The following SUGCT variants were observed in gnomAD, a reference collection of about 807,000 sequenced individuals.
The protein encoded by SUGCT is succinyl-CoA:glutarate-CoA transferase.
SUGCT carries 41 observed loss-of-function variants against 55.0 expected under a neutral mutation model. The ratio of observed to expected loss-of-function variants is 0.74; its 90% CI spans 0.58 to 0.97. The LOEUF (loss-of-function observed/expected upper bound fraction) is 0.97. Ranked by LOEUF, SUGCT falls within the 50% of genes least tolerant of loss-of-function variation. SUGCT has a pLI of 0.00. For missense variants in SUGCT, 568 were observed against 547.8 expected (o/e 1.04, Z -0.37); for synonymous variants, 187 against 200.4 (o/e 0.93, Z 0.56).
chr7:40,590,284 A>G (rs1797641128), intron 12 of SUGCT, among the ~76,000 whole-genome samples: 1 of 152,186 alleles, frequency 6.6e-6, no homozygotes, highest in Non-Finnish European at 1.5e-5. Context: ...TGGTTAATTA[A>G]TAACCCTATA....
intron 12 of SUGCT, among the ~76,000 whole-genome samples, chr7:40,542,241 A>G (rs535667540): frequency 3.9e-5 from 6 of 152,200 alleles, no homozygotes; most frequent in Admixed American, 1.3e-4. Context: ...AATCATAACC[A>G]TCGTCATCAT....
At chr7:40,912,324 T>C in the SUGCT span, among the ~76,000 whole-genome samples, 1 of 152,226 alleles carries the variant, frequency 6.6e-6, no homozygotes, top group Non-Finnish European at 1.5e-5. Context: ...TTTTAGAGGT[T>C]TATGGTTGTT....
chr7:40,822,234 T>C (rs376231283), intron 13 of SUGCT, among the ~76,000 whole-genome samples: 3 of 152,260 alleles, frequency 2.0e-5, no homozygotes, highest in Non-Finnish European at 4.4e-5. Flanking sequence ...GAAGAATGTA[T>C]ATTCTGTTGA....
At chr7:40,722,962 T>C (rs182624494) in intron 12 of SUGCT, among the ~76,000 whole-genome samples, 14 of 152,320 alleles carry the variant, frequency 9.2e-5, no homozygotes, top group African/African-American at 2.9e-4. Context: ...CCAATAGTGC[T>C]GTGTAAGTAA....
chr7:40,140,389 T>G (rs1044358839), intron 1 of SUGCT, among the ~76,000 whole-genome samples: 1 of 152,108 alleles, frequency 6.6e-6, no homozygotes, highest in African/African-American at 2.4e-5. Flanking sequence ...TGCTGTTCCA[T>G]GGATCTATGT....
intron 13 of SUGCT, among the ~76,000 whole-genome samples, chr7:40,831,715 A>G (rs1792675037): frequency 1.3e-5 from 2 of 152,208 alleles, no homozygotes; most frequent in Admixed American, 1.3e-4. Flanking sequence ...TGTGAACACT[A>G]AGAACACTTC....
chr7:41,016,151 C>T, the SUGCT span, among the ~76,000 whole-genome samples: 1 of 152,164 alleles, frequency 6.6e-6, no homozygotes, highest in Admixed American at 6.5e-5. Context: ...TGTAAGGGGG[C>T]ATTTTTCACA....
intron 9 of SUGCT, among the ~76,000 whole-genome samples, chr7:40,402,747 A>G (rs973527819): frequency 6.6e-6 from 1 of 152,186 alleles, no homozygotes; most frequent in Admixed American, 6.5e-5. Flanking sequence ...CAGCTTTTAG[A>G]AAGTCCGCTC....
rs1584530069 is a variant in SUGCT at position 40,273,923 on chromosome 7, T to A, written c.577-590T>A. ...CCCATAAATCTTGAGATTCTCAGTT[T>A]GTTTATCATAGTAATCCTAATTCAG... On this transcript the variant is annotated intron_variant, in intron 7 of 13. Transcript: ENST00000335693. Among the ~76,000 whole-genome samples the A allele has an allele frequency of 3.3e-5, 5 of 152,310 alleles. 1 individual carries two copies. In the South Asian group the frequency reaches 1.0e-3, roughly 32 times the overall value.
chr7:40,693,830 A>G (rs1784800372), intron 12 of SUGCT, among the ~76,000 whole-genome samples: 1 of 152,210 alleles, frequency 6.6e-6, no homozygotes, highest in South Asian at 2.1e-4. Context: ...TGCTATTTCC[A>G]TGACCTGGGA....
Position 40,135,092 on chromosome 7 carries a change from G to C in SUGCT, c.72G>C (p.Arg24Ser). ...TCLFSGRGGG[R>S]GLWTGRPQSD... Reference sequence around the variant, plus strand: ...TCTTCTCCGGCCGGGGCGGCGGGAGGGGGCTGTGGACTGGCCGCCCGCAGT... The same window carrying C: ...TCTTCTCCGGCCGGGGCGGCGGGAGCGGGCTGTGGACTGGCCGCCCGCAGT... The change falls in exon 1 of 14, where the codon AGG (arginine) becomes AGC (serine). Residue 24 changes from arginine (R) to serine (S), a missense_variant. Coordinates refer to ENST00000335693, the MANE Select transcript of SUGCT (RefSeq NM_001193313.2). The C allele has an allele frequency of 6.4e-7, 1 of 1,559,264 alleles. No homozygotes were observed. The highest frequency in any genetic ancestry group is 1.2e-5 in the South Asian group (1 of 84,456).
chr7:40,243,128 T>TTATC (rs572502075), intron 7 of SUGCT, among the ~76,000 whole-genome samples: 4 of 149,532 alleles, frequency 2.7e-5, no homozygotes, highest in African/African-American at 2.5e-5. Flanking sequence ...TATCATCTGT[T>TTATC]TATCTATCTA....
At chr7:41,005,695 A>G in the SUGCT span, among the ~76,000 whole-genome samples, 3 of 152,206 alleles carry the variant, frequency 2.0e-5, no homozygotes, top group Non-Finnish European at 2.9e-5. Context: ...CCTTTATATC[A>G]GGCTATGTGG....
intron 9 of SUGCT, among the ~76,000 whole-genome samples, chr7:40,383,645 T>C (rs1248161438): frequency 1.3e-5 from 2 of 152,116 alleles, no homozygotes; most frequent in Non-Finnish European, 2.9e-5. Context: ...AAAATATAGA[T>C]AAAATGTAGG....
At chr7:40,852,574 C>T (rs1231604089) in intron 13 of SUGCT, among the ~76,000 whole-genome samples, 1 of 151,400 alleles carries the variant, frequency 6.6e-6, no homozygotes, top group Non-Finnish European at 1.5e-5. Flanking sequence ...TAGTACCTCT[C>T]TTCTGTTAAA....
At chr7:40,324,149 A>G (rs1177513831) in intron 9 of SUGCT, among the ~76,000 whole-genome samples, 3 of 150,984 alleles carry the variant, frequency 2.0e-5, no homozygotes. Flanking sequence ...CCCTTTCCAT[A>G]TTTTGCCTAA....
the SUGCT span, among the ~76,000 whole-genome samples, chr7:40,985,958 A>C: frequency 6.6e-6 from 1 of 152,332 alleles, no homozygotes; most frequent in South Asian, 2.1e-4. Context: ...AATGTGTGGA[A>C]ATTTCATTAG....
At position 40,639,576 on chromosome 7, in the gene SUGCT, G is replaced by A. The variant is rs575963959; in HGVS notation, c.1090-109858G>A. Reference sequence around the variant, plus strand: ...GTCACCCAGGCTGGAGTGCAGTGGCGCGATCTTGGCTCATTGCAACCTCCA... The same window carrying A: ...GTCACCCAGGCTGGAGTGCAGTGGCACGATCTTGGCTCATTGCAACCTCCA... On this transcript the variant is annotated intron_variant, in intron 12 of 13. Coordinates refer to ENST00000335693, the MANE Select transcript of SUGCT (RefSeq NM_001193313.2). Among the ~76,000 whole-genome samples, 22 of 149,968 alleles carry A rather than the reference G, an allele frequency of 1.5e-4. No homozygotes were observed. The South Asian group carries it at 4.0e-3, about 27-fold the overall frequency.
chr7:40,210,923 C>A (rs1005583969), intron 6 of SUGCT, among the ~76,000 whole-genome samples: 3 of 151,984 alleles, frequency 2.0e-5, no homozygotes, highest in African/African-American at 7.3e-5. Flanking sequence ...GGTTGCTTTA[C>A]GAGGAAGTTT....
Sources: allele counts gnomAD v4.1 joint callset (sites outside exome capture counted in the v4.1 genomes callset), GRCh38; gene constraint gnomAD v4.1.1; transcripts MANE v1.5; gene names NCBI Gene and HGNC (gene_info 2026-07-23, HGNC 2026-07-21).